BLTP1: variants seen among roughly 807,000 people sequenced by gnomAD.
BLTP1 encodes bridge-like lipid transfer protein family member 1, also known as fragile site-associated protein.
At chr4:122,302,046 G>C in the BLTP1 span, 1 of 183,722 alleles carries the variant, frequency 5.4e-6, no homozygotes. Flanking sequence ...ATTTGAGCCT[G>C]GGCAACAGAG....
the BLTP1 span, chr4:122,226,850 A>G: frequency 1.9e-6 from 3 of 1,565,778 alleles, no homozygotes; most frequent in Admixed American, 1.9e-5. Context: ...ATTAACAAAT[A>G]TGTTAGCAAT....
At chr4:122,315,372 GTTA>G in the BLTP1 span, 3 of 1,523,054 alleles carry the variant, frequency 2.0e-6, no homozygotes, top group Admixed American at 1.8e-5. Flanking sequence ...AAAGACATTA[GTTA>G]TTATATGTGG....
At chr4:122,242,808 A>G in the BLTP1 span, 1 of 159,164 alleles carries the variant, frequency 6.3e-6, no homozygotes, top group East Asian at 1.9e-4. Flanking sequence ...CTGCTTTGCC[A>G]TTTATTTGAA....
At chr4:122,270,353 T>A in the BLTP1 span, 1 of 984,842 alleles carries the variant, frequency 1.0e-6, no homozygotes, top group African/African-American at 1.7e-5. Context: ...AATACCTTTT[T>A]ACAGTTTTGG....
chr4:122,283,289 A>G, the BLTP1 span, among the ~76,000 whole-genome samples: 1 of 150,612 alleles, frequency 6.6e-6, no homozygotes, highest in Non-Finnish European at 1.5e-5. Flanking sequence ...CATTGTATAT[A>G]ACCAATGATC....
the BLTP1 span, chr4:122,246,241 A>G: frequency 5.6e-6 from 9 of 1,607,358 alleles, no homozygotes; most frequent in East Asian, 2.2e-5. Flanking sequence ...CAAATCTTAC[A>G]ATGAAGCAAG....
the BLTP1 span, chr4:122,209,190 C>T: frequency 2.5e-6 from 4 of 1,606,968 alleles, no homozygotes; most frequent in East Asian, 2.3e-5. Context: ...TTGTTTCTAC[C>T]AGACTGCCAC....
At chr4:122,190,304 C>G in the BLTP1 span, 1 of 586,330 alleles carries the variant, frequency 1.7e-6, no homozygotes, top group Admixed American at 6.4e-5. Flanking sequence ...CTATATTGCC[C>G]AGGCTGATCT....
chr4:122,266,741 T>G, the BLTP1 span: 84 of 1,469,926 alleles, frequency 5.7e-5, no homozygotes, highest in Non-Finnish European at 6.7e-5. Flanking sequence ...CAGTAAATGA[T>G]AAGCTGTAAG....
the BLTP1 span, chr4:122,275,909 G>A: frequency 6.9e-7 from 1 of 1,441,802 alleles, no homozygotes; most frequent in Non-Finnish European, 9.1e-7. Flanking sequence ...TAACTAATTT[G>A]TGCATGAATG....
At chr4:122,278,182 AT>A in the BLTP1 span, among the ~76,000 whole-genome samples, 2 of 152,204 alleles carry the variant, frequency 1.3e-5, no homozygotes, top group Non-Finnish European at 2.9e-5. Context: ...TATAAAAAAA[AT>A]AAACTTTATT....
At chr4:122,267,478 C>A in the BLTP1 span, 1 of 173,004 alleles carries the variant, frequency 5.8e-6, no homozygotes, top group Non-Finnish European at 1.1e-5. Context: ...TATTTTTAGG[C>A]ATATTTTTGA....
At chr4:122,320,580 G>C in the BLTP1 span, among the ~76,000 whole-genome samples, 2 of 152,070 alleles carry the variant, frequency 1.3e-5, no homozygotes, top group Non-Finnish European at 2.9e-5. Context: ...AATCTGCTCT[G>C]TCTGAAATTA....
the BLTP1 span, among the ~76,000 whole-genome samples, chr4:122,156,914 A>G: frequency 3.3e-5 from 5 of 152,176 alleles, no homozygotes; most frequent in Non-Finnish European, 7.4e-5. Flanking sequence ...TATATTACAG[A>G]TAAATTTGTA....
chr4:122,298,312 C>A, the BLTP1 span: 1 of 597,498 alleles, frequency 1.7e-6, no homozygotes, highest in Non-Finnish European at 2.1e-6. Flanking sequence ...ATGCTCTTGC[C>A]TATAGAGCCA....
the BLTP1 span, among the ~76,000 whole-genome samples, chr4:122,191,269 C>A: frequency 6.6e-6 from 1 of 151,358 alleles, no homozygotes; most frequent in Non-Finnish European, 1.5e-5. Context: ...GCACTAATTG[C>A]ATTTTTTTTT....
At chr4:122,217,504 C>T in the BLTP1 span, among the ~76,000 whole-genome samples, 3 of 151,506 alleles carry the variant, frequency 2.0e-5, no homozygotes, top group Non-Finnish European at 2.9e-5. Context: ...GTTTTTGTTT[C>T]TAATTTTGTT....
chr4:122,351,236 G>C, the BLTP1 span: 603 of 880,934 alleles, frequency 6.8e-4, no homozygotes, highest in African/African-American at 5.9e-3. Context: ...GAAGTAATAC[G>C]TATACATTGA....
chr4:122,254,419 T>C, the BLTP1 span: 1 of 1,378,148 alleles, frequency 7.3e-7, no homozygotes, highest in Non-Finnish European at 9.9e-7. Context: ...TTCTGTTTCA[T>C]ATTTTTAAAA....
Sources: allele counts gnomAD v4.1 joint callset (sites outside exome capture counted in the v4.1 genomes callset), GRCh38; gene constraint gnomAD v4.1.1; transcripts MANE v1.5; gene names NCBI Gene and HGNC (gene_info 2026-07-23, HGNC 2026-07-21).